The following CACNA1S variants were observed in gnomAD, a reference collection of about 807,000 sequenced individuals.
The protein encoded by CACNA1S is calcium voltage-gated channel subunit alpha1 S, also known as voltage-dependent L-type calcium channel subunit alpha-1S.
CACNA1S carries 126 observed loss-of-function variants against 207.4 expected under a neutral mutation model. The observed-to-expected ratio is 0.61, with a 90% CI of 0.53 to 0.70. The LOEUF (loss-of-function observed/expected upper bound fraction) is 0.70, where lower values mean the gene tolerates loss of function less well. Among genes scored for constraint, CACNA1S ranks in the 30% least tolerant of loss-of-function variants. The pLI, the probability that CACNA1S is intolerant of heterozygous loss-of-function variation, is 0.00. For synonymous variants in CACNA1S, 960 were observed against 932.7 expected (o/e 1.03, Z -0.53); for missense variants, 2,349 against 2,422.8 (o/e 0.97, Z 0.64).
intron 10 of CACNA1S, among the ~76,000 whole-genome samples, chr1:201,079,452 A>G (rs1170480573): frequency 6.6e-6 from 1 of 151,974 alleles, no homozygotes; most frequent in East Asian, 1.9e-4. Flanking sequence ...GTGGTGCCAC[A>G]TCCTTCTGGG....
intron 2 of CACNA1S, among the ~76,000 whole-genome samples, chr1:201,096,404 C>T (rs1158138133): frequency 6.6e-6 from 1 of 152,212 alleles, no homozygotes; most frequent in Non-Finnish European, 1.5e-5. Context: ...TGGCTGACAG[C>T]CTCTGCAGCC....
intron 26 of CACNA1S, 124 bp downstream of exon 26, chr1:201,060,534 C>T (rs1661005769): frequency 9.6e-7 from 1 of 1,038,608 alleles, no homozygotes; most frequent in African/African-American, 1.6e-5. Context: ...TGTAGCACCT[C>T]AGCACACAGT....
intron 7 of CACNA1S, among the ~76,000 whole-genome samples, chr1:201,086,634 T>A (rs2102156353): frequency 6.6e-6 from 1 of 152,348 alleles, no homozygotes; most frequent in African/African-American, 2.4e-5. Context: ...GCACCACTGT[T>A]GTGGATGCAG....
intron 40 of CACNA1S, 105 bp from the exon 41 acceptor site, chr1:201,041,694 G>A (rs1660222555): frequency 4.8e-6 from 4 of 836,646 alleles, no homozygotes; most frequent in South Asian, 4.3e-5. Flanking sequence ...CCTGTACAAG[G>A]CCAACCTAGT....
rs372501519 is a variant in CACNA1S, at chr1:201,085,022, G to C, written c.1160C>G (p.Ser387Cys). The stretch of plus-strand genomic sequence containing the variant: ...TGTGTCAGAGCCACCTTCATCCAAA[G>C]ACAGTTTTCCTGGAGACAGGAGAGA... Reference protein sequence around the residue: ...DVEDFREGKLSLDEGGSDTES... With the variant: ...DVEDFREGKLCLDEGGSDTES... Residue 387 changes from serine to cysteine, a missense_variant, in exon 9 of 44, where the codon TCT becomes TGT. Coordinates refer to ENST00000362061, the MANE Select transcript of CACNA1S (RefSeq NM_000069.3). 3 of 1,610,620 alleles carry C rather than the reference G, an allele frequency of 1.9e-6. No individual in the cohort carries two copies. The African/African-American group carries it at 4.0e-5, about 22-fold the overall frequency.
Position 201,052,491 on chromosome 1 carries a change from C to G in CACNA1S, c.3953+66G>C, listed in dbSNP as rs12029212. The G allele has an allele frequency of 0.19, 249,947 of 1,282,898 alleles. 32,129 individuals are homozygous for G. The highest frequency in any genetic ancestry group is 0.63 in the African/African-American group (43,350 of 68,666). 79.5% of individuals were successfully genotyped at this position (1,282,898 alleles called of 1,614,324 possible). ...TGAAGCCAGCCCTGGCTCCAGTGCA[C>G]ATTAGAACAGAGCAAAGGCTGGACT... On this transcript the variant is annotated intron_variant, in intron 32 of 43. Transcript: ENST00000362061.
At chr1:201,094,492 T>C (rs1662348390) in intron 2 of CACNA1S, among the ~76,000 whole-genome samples, 1 of 152,100 alleles carries the variant, frequency 6.6e-6, no homozygotes, top group Admixed American at 6.5e-5. Flanking sequence ...GTTGAATAAA[T>C]GAAGGATCTG....
Position 201,089,408 on chromosome 1 carries a change from T to C in CACNA1S, c.750A>G (p.Ser250=). The C allele has an allele frequency of 1.2e-6, 2 of 1,614,198 alleles. No homozygotes were observed. The highest frequency in any genetic ancestry group is 8.5e-7 in the Non-Finnish European group (1 of 1,180,036). Residue 250 remains serine (S), a synonymous_variant, in exon 6 of 44, where the codon TCA becomes TCG. Coordinates refer to ENST00000362061, the MANE Select transcript of CACNA1S (RefSeq NM_000069.3). ...EEPSPCARTG[S]GRRCTINGSE... is the part of the protein sequence containing the mutation. ...TGCCATTGATGGTGCACCGGCGCCC[T>C]GAGCCCGTCCTGGCGCAGGGCGATG... is the stretch of plus-strand genomic sequence containing the variant.
chr1:201,110,335 G>A, intron 1 of CACNA1S, 66 bp from the exon 2 acceptor site: 1 of 1,358,658 alleles, frequency 7.4e-7, no homozygotes, highest in East Asian at 2.3e-5. Flanking sequence ...GGGGATGAGG[G>A]CGCTGAGGGT....
At chr1:201,108,366 GT>G (rs1384267590) in intron 2 of CACNA1S, among the ~76,000 whole-genome samples, 2 of 152,186 alleles carry the variant, frequency 1.3e-5, no homozygotes, top group Non-Finnish European at 2.9e-5. Context: ...GCCTCTCAAA[GT>G]GCTGGGATTA....
rs541322980 is a variant in CACNA1S at position 201,083,742 on chromosome 1, A to G, written c.1233-420T>C. On this transcript the variant is annotated intron_variant, in intron 9 of 43. Coordinates refer to ENST00000362061, the MANE Select transcript of CACNA1S (RefSeq NM_000069.3). ...TACAATCTTTTTGGGATGAATTGGC[A>G]GCACTTACCAAAATTTAAAGTCTAT... 1.1e-4 allele frequency among the ~76,000 whole-genome samples: 16 copies of G among 152,352 alleles called. No homozygotes were observed. In the South Asian group the frequency reaches 3.3e-3, roughly 32 times the overall value.
At chr1:201,044,498 AGAG>A (rs1192998077) in intron 38 of CACNA1S, 42 bp from the exon 39 acceptor site, 1 of 1,604,102 alleles carries the variant, frequency 6.2e-7, no homozygotes, top group East Asian at 2.2e-5. Context: ...CCAGCCCAGG[AGAG>A]GAGACCAGAA....
intron 26 of CACNA1S, among the ~76,000 whole-genome samples, chr1:201,060,438 G>A (rs1661001473): frequency 6.6e-6 from 1 of 152,070 alleles, no homozygotes; most frequent in East Asian, 1.9e-4. Flanking sequence ...CAGAATTACC[G>A]TACTATTTTT....
rs562791779 is a variant in CACNA1S, at chr1:201,066,557, T to G, written c.2658-241A>C. On this transcript the variant is annotated intron_variant, in intron 20 of 43. Coordinates refer to ENST00000362061, the MANE Select transcript of CACNA1S (RefSeq NM_000069.3). This position sits in a 1 kb window ranked among gnomAD's most constrained non-coding sequence, Gnocchi z 4.3. Reference sequence around the variant, plus strand: ...CATGAAGCAGAAGACAGCCTTCCCCTGTGGGTGGCTAGAAGCTCCGTCCCT... The same window carrying G: ...CATGAAGCAGAAGACAGCCTTCCCCGGTGGGTGGCTAGAAGCTCCGTCCCT... Among the ~76,000 whole-genome samples, 1 of 152,248 alleles carries G rather than the reference T, an allele frequency of 6.6e-6. No homozygotes were observed. The highest frequency in any genetic ancestry group is 1.9e-4 in the East Asian group (1 of 5,170).
intron 12 of CACNA1S, among the ~76,000 whole-genome samples, chr1:201,076,041 C>G (rs1398664302): frequency 1.3e-5 from 2 of 152,178 alleles, no homozygotes; most frequent in Non-Finnish European, 2.9e-5. Flanking sequence ...ACACTCCAGT[C>G]TGGGTGACAG....
At chr1:201,089,507 T>C (rs1662156117) in intron 5 of CACNA1S, 44 bp from the exon 6 acceptor site, 1 of 1,585,826 alleles carries the variant, frequency 6.3e-7, no homozygotes, top group Admixed American at 1.7e-5. Flanking sequence ...CAGTAGTAGG[T>C]GGACAACGAC....
intron 14 of CACNA1S, 109 bp downstream of exon 14, chr1:201,074,397 C>G (rs1175169550): frequency 2.4e-5 from 18 of 744,020 alleles, no homozygotes; most frequent in Non-Finnish European, 4.3e-5. Flanking sequence ...GTGGGTGTCA[C>G]CATGTCAGGG....
chr1:201,102,245 C>T (rs529729746), intron 2 of CACNA1S, among the ~76,000 whole-genome samples: 2 of 152,070 alleles, frequency 1.3e-5, no homozygotes, highest in Non-Finnish European at 2.9e-5. Context: ...CAGGGAAAGG[C>T]CTCGGATCCC....
At position 201,040,018 on chromosome 1, in the gene CACNA1S, T is replaced by A. The variant is rs1558047698; in HGVS notation, c.5435A>T (p.Gln1812Leu). 5 of 1,614,104 alleles carry A rather than the reference T, an allele frequency of 3.1e-6. No individual in the cohort carries two copies. The highest frequency in any genetic ancestry group is 4.2e-6 in the Non-Finnish European group (5 of 1,179,912). The change falls in exon 44 of 44, where the codon CAG (glutamine) becomes CTG (leucine). Residue 1812 changes from glutamine (Q) to leucine (L), a missense_variant. Gln to Leu is a moderately radical substitution (Grantham distance 113). Coordinates refer to ENST00000362061, the MANE Select transcript of CACNA1S (RefSeq NM_000069.3). ...CATTTGGCAGGCATCTGCCAGGGCC[T>A]GGCCTGTTGCCATGATGAAGTTTGC... Reference protein sequence around the residue: ...ADANFIMATGQALADACQMEP... With the variant: ...ADANFIMATGLALADACQMEP...
Sources: allele counts gnomAD v4.1 joint callset (sites outside exome capture counted in the v4.1 genomes callset), GRCh38; gene constraint gnomAD v4.1.1; non-coding constraint Gnocchi (gnomAD v3.1); transcripts MANE v1.5; gene names NCBI Gene and HGNC (gene_info 2026-07-23, HGNC 2026-07-21).